The following RPRD1A variants were observed in gnomAD, a reference collection of about 807,000 sequenced individuals.
RPRD1A encodes regulation of nuclear pre-mRNA domain-containing protein 1A.
A neutral mutation model predicts 37.8 loss-of-function variants in RPRD1A; 9 were observed. That is an observed-to-expected ratio of 0.24 (90% CI 0.14 to 0.42). The LOEUF (loss-of-function observed/expected upper bound fraction) is 0.42. RPRD1A is among the 10% of genes least tolerant of loss of function. The pLI, the probability that RPRD1A is intolerant of heterozygous loss-of-function variation, is 1.00. For missense variants in RPRD1A, 255 were observed against 371.0 expected, an observed-to-expected ratio of 0.69 and a Z score of 2.57; for synonymous variants, 138 against 139.7, an observed-to-expected ratio of 0.99 and a Z score of 0.08.
chr18:36,012,359 A>G (rs545744141), intron 6 of RPRD1A, among the ~76,000 whole-genome samples: 10 of 152,100 alleles, frequency 6.6e-5, no homozygotes, highest in African/African-American at 2.4e-4. Context: ...TGTATTTACT[A>G]CACTTTTTAT....
intron 6 of RPRD1A, among the ~76,000 whole-genome samples, chr18:36,021,904 A>G (rs934543246): frequency 1.3e-5 from 2 of 152,126 alleles, no homozygotes; most frequent in Non-Finnish European, 2.9e-5. Context: ...AGGAGGCTGA[A>G]GTGGAAGGAT....
chr18:36,029,543 A>G (rs17562970), intron 4 of RPRD1A, among the ~76,000 whole-genome samples: 9,280 of 150,470 alleles, frequency 0.062, 303 homozygotes, highest in Middle Eastern at 0.083. Context: ...TTATGTCTTC[A>G]TTTTCTCATT....
At chr18:36,053,214 A>G (rs1374000426) in intron 1 of RPRD1A, among the ~76,000 whole-genome samples, 1 of 152,192 alleles carries the variant, frequency 6.6e-6, no homozygotes, top group Non-Finnish European at 1.5e-5. Context: ...ACCACTTTAA[A>G]GCATACAATT....
intron 1 of RPRD1A, among the ~76,000 whole-genome samples, chr18:36,045,314 C>T (rs1212763539): frequency 6.6e-6 from 1 of 152,122 alleles, no homozygotes; most frequent in Non-Finnish European, 1.5e-5. Flanking sequence ...AAAAATTACC[C>T]TGCTTTTCCT....
At chr18:36,007,831 G>A (rs1402969864) in intron 6 of RPRD1A, among the ~76,000 whole-genome samples, 2 of 152,112 alleles carry the variant, frequency 1.3e-5, no homozygotes, top group Admixed American at 6.6e-5. Flanking sequence ...CCAGCTACTC[G>A]GGAGGCTGAG....
chr18:36,015,518 T>C (rs1253082165), intron 6 of RPRD1A, among the ~76,000 whole-genome samples: 1 of 152,176 alleles, frequency 6.6e-6, no homozygotes, highest in Non-Finnish European at 1.5e-5. Flanking sequence ...ATATTATTTG[T>C]ACACCAACAG....
chr18:36,008,798 A>G (rs1197162513), intron 6 of RPRD1A, among the ~76,000 whole-genome samples: 1 of 151,708 alleles, frequency 6.6e-6, no homozygotes, highest in Non-Finnish European at 1.5e-5. Flanking sequence ...AGTTTTCCAA[A>G]ATCTCACAAA....
chr18:36,007,475 T>G (rs1426116813), intron 6 of RPRD1A, among the ~76,000 whole-genome samples: 2 of 152,164 alleles, frequency 1.3e-5, no homozygotes, highest in East Asian at 1.9e-4. Context: ...AGCATCAAGA[T>G]TCCAGTGATC....
chr18:36,023,167 A>G (rs1278449866), intron 6 of RPRD1A, among the ~76,000 whole-genome samples: 1 of 152,234 alleles, frequency 6.6e-6, no homozygotes. Flanking sequence ...TCCTGTGATG[A>G]ATATCGGCAA....
intron 1 of RPRD1A, among the ~76,000 whole-genome samples, chr18:36,035,995 T>A (rs1912165182): frequency 6.6e-6 from 1 of 152,110 alleles, no homozygotes; most frequent in Non-Finnish European, 1.5e-5. Context: ...AATGAACAGT[T>A]CTGGAAACTG....
At chr18:36,048,775 G>C (rs559502568) in intron 1 of RPRD1A, among the ~76,000 whole-genome samples, 15 of 152,008 alleles carry the variant, frequency 9.9e-5, no homozygotes, top group Admixed American at 3.3e-4. Context: ...GGAAATTCTA[G>C]CAAGTACAAT....
At chr18:36,044,481 A>C (rs1912812300) in intron 1 of RPRD1A, among the ~76,000 whole-genome samples, 1 of 152,158 alleles carries the variant, frequency 6.6e-6, no homozygotes. Flanking sequence ...AGAGGACATG[A>C]GTTCGAGACC....
chr18:36,029,122 C>T (rs756942124), intron 4 of RPRD1A, among the ~76,000 whole-genome samples: 5 of 152,166 alleles, frequency 3.3e-5, no homozygotes, highest in Non-Finnish European at 7.4e-5. Context: ...AGCTCTTGTC[C>T]ATAGTGGCCA....
chr18:36,044,739 T>C (rs1207504763), intron 1 of RPRD1A, among the ~76,000 whole-genome samples: 1 of 151,800 alleles, frequency 6.6e-6, no homozygotes, highest in Non-Finnish European at 1.5e-5. Flanking sequence ...TCATGTCCTC[T>C]GGCAAATAAA....
At chr18:36,018,162 T>C (rs1910726278) in intron 6 of RPRD1A, among the ~76,000 whole-genome samples, 1 of 151,852 alleles carries the variant, frequency 6.6e-6, no homozygotes. Context: ...ATAATTTTAT[T>C]CAAAATCCTC....
intron 1 of RPRD1A, among the ~76,000 whole-genome samples, chr18:36,039,848 ACACACACACACGCATGCACACATG>A (rs1183765795): frequency 7.1e-6 from 1 of 139,926 alleles, no homozygotes; most frequent in Non-Finnish European, 1.6e-5. Flanking sequence ...GAATAAGGAA[ACACACACACACGCATGCACACATG>A]CACATATACA....
intron 4 of RPRD1A, among the ~76,000 whole-genome samples, chr18:36,030,427 G>C (rs946065149): frequency 2.6e-5 from 4 of 151,510 alleles, no homozygotes; most frequent in Non-Finnish European, 5.9e-5. Flanking sequence ...AGGTTGCAGT[G>C]AGCCAAGATA....
In RPRD1A at chr18:36,059,295, G is replaced by A. The variant is rs577420844; in HGVS notation, c.151+7959C>T. On this transcript the variant is annotated intron_variant, in intron 1 of 6. Transcript: ENST00000399022. ...TGGGATTACAGATGTGCACCACCAC[G>A]TCTGGCTAATTTTTAAATTTTTAGT... 6.6e-5 allele frequency among the ~76,000 whole-genome samples: 10 copies of A among 152,046 alleles called. No homozygotes were observed. In the South Asian group the frequency reaches 1.0e-3, roughly 16 times the overall value.
chr18:36,006,335 T>C (rs1357649092), intron 6 of RPRD1A, among the ~76,000 whole-genome samples: 1 of 152,088 alleles, frequency 6.6e-6, no homozygotes, highest in African/African-American at 2.4e-5. Context: ...TGTGCCACCA[T>C]GCCTAGCTAA....
Sources: gnomAD v4.1 joint callset for allele counts (sites outside exome capture counted in the v4.1 genomes callset) on GRCh38, gnomAD v4.1.1 for gene constraint, MANE v1.5 for transcripts, NCBI Gene and HGNC (gene_info 2026-07-23, HGNC 2026-07-21) for gene names.